GNG4: variants seen among roughly 807,000 people sequenced by gnomAD.
GNG4 encodes G protein subunit gamma 4.
GNG4 carries 4 observed loss-of-function variants against 5.8 expected under a neutral mutation model. That is an observed-to-expected ratio of 0.69 (90% CI 0.34 to 1.57). GNG4 has a LOEUF of 1.57. Ranked by LOEUF, GNG4 falls within the 40% of genes most tolerant of loss-of-function variation. The pLI is 0.06. For missense variants in GNG4, 96 were observed against 95.1 expected (o/e 1.01, Z -0.04); for synonymous variants, 29 against 32.9 (o/e 0.88, Z 0.41).
intron 2 of GNG4, among the ~76,000 whole-genome samples, chr1:235,585,449 G>T (rs897798647): frequency 2.6e-5 from 4 of 152,092 alleles, no homozygotes; most frequent in African/African-American, 9.7e-5. Flanking sequence ...CTGGTCCTGT[G>T]TTTATTTTCT....
intron 1 of GNG4, among the ~76,000 whole-genome samples, chr1:235,646,068 ATC>A (rs1191391010): frequency 6.6e-6 from 1 of 152,118 alleles, no homozygotes; most frequent in Non-Finnish European, 1.5e-5. Flanking sequence ...GGAAGAAACA[ATC>A]TCTCTGGCCC....
intron 1 of GNG4, among the ~76,000 whole-genome samples, chr1:235,599,624 G>A (rs1450505350): frequency 6.6e-6 from 1 of 152,164 alleles, no homozygotes; most frequent in South Asian, 2.1e-4. Flanking sequence ...CCGAATCTGC[G>A]TTTTAACCCA....
At position 235,610,640 on chromosome 1, in the gene GNG4, C is replaced by T. The variant is rs576470415; in HGVS notation, c.-122-15129G>A. ...TTCAAGCTGGTTCCTGTGTCTTTCTCGAATGTCTTTATCATTTTTGATTAA... is the reference window on the plus strand; with the variant it reads ...TTCAAGCTGGTTCCTGTGTCTTTCTTGAATGTCTTTATCATTTTTGATTAA... On this transcript the variant is annotated intron_variant, in intron 1 of 3. Transcript: ENST00000391854. Among the ~76,000 whole-genome samples the T allele has an allele frequency of 5.9e-5, 9 of 152,252 alleles. No individual in the cohort carries two copies. The South Asian group carries it at 1.2e-3, about 21-fold the overall frequency.
At chr1:235,615,430 G>T in intron 1 of GNG4, 1 of 154,974 alleles carries the variant, frequency 6.5e-6, no homozygotes, top group South Asian at 1.9e-4. Flanking sequence ...TCCTCTATGT[G>T]ACTGTCATCT....
At chr1:235,554,315 G>A (rs1252204377) in intron 3 of GNG4, among the ~76,000 whole-genome samples, 1 of 152,198 alleles carries the variant, frequency 6.6e-6, no homozygotes, top group Non-Finnish European at 1.5e-5. Flanking sequence ...GCCCAGAGAT[G>A]CAGAAGCTGC....
chr1:235,555,260 G>A (rs1686871741), intron 3 of GNG4, among the ~76,000 whole-genome samples: 1 of 152,142 alleles, frequency 6.6e-6, no homozygotes, highest in Non-Finnish European at 1.5e-5. Context: ...TTTCTTCAGA[G>A]GGCAATCACT....
At position 235,552,206 on chromosome 1, in the gene GNG4, T is replaced by C; in HGVS notation, c.131A>G (p.Tyr44Cys). The change falls in exon 4 of 4, where the codon TAC becomes TGC. Residue 44 changes from tyrosine (Y) to cysteine (C), a missense_variant. Physicochemically the swap from Tyr to Cys is radical, Grantham distance 194. Coordinates refer to ENST00000391854, the MANE Select transcript of GNG4 (RefSeq NM_001098722.2). ...VSQAAADLLA[Y>C]CEAHVREDPL... is the part of the protein sequence containing the mutation. ...ATCTTCCCGCACGTGAGCTTCACAGTAGGCCAGGAGGTCCGCAGCTGCCTG... is the reference window on the plus strand; with the variant it reads ...ATCTTCCCGCACGTGAGCTTCACAGCAGGCCAGGAGGTCCGCAGCTGCCTG... 2.5e-6 allele frequency: 4 copies of C among 1,613,970 alleles called. No individual in the cohort carries two copies. Among genetic ancestry groups the C allele is most frequent in the Admixed American group, 1.7e-5 (1 of 60,010 alleles).
At chr1:235,621,852 T>C (rs1418988336) in intron 1 of GNG4, among the ~76,000 whole-genome samples, 1 of 152,032 alleles carries the variant, frequency 6.6e-6, no homozygotes, top group East Asian at 1.9e-4. Flanking sequence ...AATTTTTGTA[T>C]TTTTAGTAGA....
chr1:235,588,738 AT>A (rs1207020460), intron 2 of GNG4: 4 of 150,600 alleles, frequency 2.7e-5, no homozygotes, highest in Admixed American at 6.6e-5. Flanking sequence ...TCACTTCCTC[AT>A]CACCTCTGAC....
At position 235,603,358 on chromosome 1, in the gene GNG4, C is replaced by G. The variant is rs567262538; in HGVS notation, c.-122-7847G>C. Among the ~76,000 whole-genome samples, 23 of 152,252 alleles carry G rather than the reference C, an allele frequency of 1.5e-4. No homozygotes were observed. The South Asian group carries it at 4.6e-3, about 30-fold the overall frequency. On this transcript the variant is annotated intron_variant, in intron 1 of 3. Coordinates refer to ENST00000391854, the MANE Select transcript of GNG4 (RefSeq NM_001098722.2). ...TGTGGCAGCAAAGGGCACAGCCTTT[C>G]TATCTGTACACGTGGATGTGTAAGG...
At chr1:235,571,280 G>A (rs1687335360) in intron 3 of GNG4, among the ~76,000 whole-genome samples, 1 of 152,156 alleles carries the variant, frequency 6.6e-6, no homozygotes, top group South Asian at 2.1e-4. Context: ...GAGAGCGAAG[G>A]CTCTGGAGAC....
At chr1:235,584,691 AATT>A (rs1687719853) in intron 2 of GNG4, among the ~76,000 whole-genome samples, 1 of 54,590 alleles carries the variant, frequency 1.8e-5, no homozygotes, top group African/African-American at 6.4e-5. Flanking sequence ...CACACATCAC[AATT>A]GCAATTGCCC....
intron 3 of GNG4, among the ~76,000 whole-genome samples, chr1:235,565,355 G>A (rs1002918616): frequency 6.6e-6 from 1 of 152,102 alleles, no homozygotes; most frequent in African/African-American, 2.4e-5. Context: ...ACAAAAATTA[G>A]CCGGGCATGG....
rs762893699 is a variant in GNG4, at chr1:235,551,076, G to A, written c.*1033C>T. 2.0e-5 allele frequency: 3 copies of A among 152,692 alleles called. No individual in the cohort carries two copies. Among genetic ancestry groups the A allele is most frequent in the Middle Eastern group, 3.4e-3 (1 of 296 alleles). The allele number at this position is 152,692 out of a possible 1,614,324, so 9.5% of individuals were successfully genotyped here. ...GGAGCAGGAAGAGGTGGCATTTGGA[G>A]AGGGGAGACCGCACCCACAGGTCTG... On this transcript the variant is annotated 3_prime_UTR_variant, in exon 4 of 4. Coordinates refer to ENST00000391854, the MANE Select transcript of GNG4 (RefSeq NM_001098722.2).
In GNG4 at chr1:235,644,737, TA is replaced by T. The variant is rs1293092520; in HGVS notation, c.-123+4924del. Among the ~76,000 whole-genome samples the T allele has an allele frequency of 1.3e-5, 2 of 152,296 alleles. No homozygotes were observed. The highest frequency in any genetic ancestry group is 4.8e-5 in the African/African-American group (2 of 41,570). On this transcript the variant is annotated intron_variant, in intron 1 of 3. Coordinates refer to ENST00000391854, the MANE Select transcript of GNG4 (RefSeq NM_001098722.2). This position sits in a 1 kb window ranked among gnomAD's most constrained non-coding sequence, Gnocchi z 5.9. ...CATGCTCGTTTAGTCGGCCACAGGCTAGGGGCAGCGGAAAGGCCCTGCTGGA... is the reference window on the plus strand; with the variant it reads ...CATGCTCGTTTAGTCGGCCACAGGCTGGGGCAGCGGAAAGGCCCTGCTGGA...
At chr1:235,610,193 G>A (rs955277938) in intron 1 of GNG4, among the ~76,000 whole-genome samples, 20 of 152,252 alleles carry the variant, frequency 1.3e-4, no homozygotes, top group African/African-American at 4.3e-4. Flanking sequence ...GATAGCGGCC[G>A]TTATTTTGTA....
At chr1:235,632,866 G>A (rs899413921) in intron 1 of GNG4, among the ~76,000 whole-genome samples, 1 of 152,144 alleles carries the variant, frequency 6.6e-6, no homozygotes, top group African/African-American at 2.4e-5. Flanking sequence ...TTTCATTCTA[G>A]ATTAGAAGCA....
At chr1:235,586,379 C>CGTGT (rs141666278) in intron 2 of GNG4, among the ~76,000 whole-genome samples, 2 of 151,602 alleles carry the variant, frequency 1.3e-5, no homozygotes, top group African/African-American at 4.8e-5. Context: ...GCCATCTCTC[C>CGTGT]GTGTGTGTGT....
intron 3 of GNG4, among the ~76,000 whole-genome samples, chr1:235,558,965 T>C (rs1686987346): frequency 6.6e-6 from 1 of 152,196 alleles, no homozygotes; most frequent in Non-Finnish European, 1.5e-5. Flanking sequence ...ATCCTGTTAG[T>C]TGCACTATAA....
Sources: gnomAD v4.1 joint callset for allele counts (sites outside exome capture counted in the v4.1 genomes callset) on GRCh38, gnomAD v4.1.1 for gene constraint, Gnocchi (gnomAD v3.1) non-coding constraint, MANE v1.5 for transcripts, NCBI Gene and HGNC (gene_info 2026-07-23, HGNC 2026-07-21) for gene names.